Variants in THSD7A observed in about 807,000 individuals in gnomAD.
THSD7A encodes thrombospondin type 1 domain containing 7A.
Under a neutral mutation model 231.3 loss-of-function variants are expected in THSD7A, and 96 were observed. That is an observed-to-expected ratio of 0.41 (90% CI 0.35 to 0.49). The LOEUF is 0.49. Ranked by LOEUF, THSD7A falls within the 20% of genes least tolerant of loss-of-function variation. The pLI is 0.05. For synonymous variants in THSD7A, 940 were observed against 743.3 expected, an observed-to-expected ratio of 1.26 and a Z score of -4.30; for missense variants, 2,290 against 2,070.2, an observed-to-expected ratio of 1.11 and a Z score of -2.06.
At chr7:11,400,120 T>C (rs530321370) in intron 23 of THSD7A, among the ~76,000 whole-genome samples, 18 of 140,838 alleles carry the variant, frequency 1.3e-4, no homozygotes, top group African/African-American at 4.8e-4. Context: ...ATGAAAACAC[T>C]TGGACACAGG....
intron 1 of THSD7A, among the ~76,000 whole-genome samples, chr7:11,696,964 A>G (rs1780423421): frequency 6.6e-6 from 1 of 151,406 alleles, no homozygotes; most frequent in African/African-American, 2.4e-5. Context: ...AAGACTGGAA[A>G]TAGGAATTCT....
At chr7:11,388,171 T>G (rs149224129) in intron 23 of THSD7A, among the ~76,000 whole-genome samples, 81 of 151,850 alleles carry the variant, frequency 5.3e-4, no homozygotes, top group African/African-American at 1.7e-3. Context: ...TCTTTTTTTT[T>G]TTGTTGTGTC....
At position 11,407,435 on chromosome 7, in the gene THSD7A, G is replaced by T; in HGVS notation, c.3799-12C>A. ...TTCTCCAAGCCAAGCTGGAAGAACA[G>T]AGGTAGATCAGGATGTATATTGTAA... is the stretch of plus-strand genomic sequence containing the variant. On this transcript the variant is annotated splice_polypyrimidine_tract_variant and intron_variant, in intron 19 of 27. Transcript: ENST00000423059. 6.3e-7 allele frequency: 1 copy of T among 1,598,812 alleles called. No individual in the cohort carries two copies. Among genetic ancestry groups the T allele is most frequent in the Non-Finnish European group, 8.6e-7 (1 of 1,168,598 alleles).
At chr7:11,715,013 T>G (rs1374757177) in intron 1 of THSD7A, among the ~76,000 whole-genome samples, 1 of 151,418 alleles carries the variant, frequency 6.6e-6, no homozygotes, top group Non-Finnish European at 1.5e-5. Context: ...CATGGTTCTC[T>G]CCTTCTTTAT....
chr7:11,764,264 G>C, intron 1 of THSD7A, among the ~76,000 whole-genome samples: 1 of 152,126 alleles, frequency 6.6e-6, no homozygotes, highest in East Asian at 1.9e-4. Context: ...TTTACAAATA[G>C]TCTATAGTAT....
At chr7:11,476,506 T>C (rs1378180679) in intron 7 of THSD7A, among the ~76,000 whole-genome samples, 2 of 152,118 alleles carry the variant, frequency 1.3e-5, no homozygotes, top group African/African-American at 2.4e-5. Context: ...TAATAGATTA[T>C]ATAATGTTAC....
chr7:11,400,244 G>T (rs1385437579), intron 23 of THSD7A, among the ~76,000 whole-genome samples: 2 of 151,808 alleles, frequency 1.3e-5, no homozygotes, highest in African/African-American at 4.8e-5. Flanking sequence ...ACACCAACAT[G>T]GCACATGTAT....
chr7:11,443,444 T>G (rs981225650), intron 13 of THSD7A, among the ~76,000 whole-genome samples: 8 of 152,032 alleles, frequency 5.3e-5, no homozygotes, highest in African/African-American at 1.9e-4. Context: ...GAGATGTTTC[T>G]CAAAGTACAT....
chr7:11,461,048 A>G (rs1223615656), intron 10 of THSD7A, among the ~76,000 whole-genome samples: 1 of 152,178 alleles, frequency 6.6e-6, no homozygotes, highest in East Asian at 1.9e-4. Flanking sequence ...GACTGCCAAC[A>G]AATGCACCAG....
Position 11,469,794 on chromosome 7 carries a change from A to G in THSD7A, c.2368+85T>C, listed in dbSNP as rs1478198351. On this transcript the variant is annotated intron_variant, in intron 9 of 27. Transcript: ENST00000423059. Reference sequence around the variant, plus strand: ...GTTTACATAGCCCTGTGCAAAACTCACAAACATTGCTAGGCCAGAAGACCT... The same window carrying G: ...GTTTACATAGCCCTGTGCAAAACTCGCAAACATTGCTAGGCCAGAAGACCT... The G allele has an allele frequency of 7.7e-6, 7 of 910,180 alleles. No individual in the cohort carries two copies. In the East Asian group the frequency reaches 1.9e-4, roughly 24 times the overall value. 56.4% of individuals were successfully genotyped at this position (910,180 alleles called of 1,614,324 possible).
intron 23 of THSD7A, among the ~76,000 whole-genome samples, chr7:11,396,357 A>G (rs117361051): frequency 0.016 from 2,509 of 152,268 alleles, 26 homozygotes; most frequent in Non-Finnish European, 0.024. Flanking sequence ...TGTTTTTTTG[A>G]AAAGATCAAC....
chr7:11,678,674 G>C (rs967180816), intron 1 of THSD7A, among the ~76,000 whole-genome samples: 89 of 151,950 alleles, frequency 5.9e-4, no homozygotes, highest in African/African-American at 2.1e-3. Context: ...GAATAGACCA[G>C]TAACAAGTTC....
intron 4 of THSD7A, among the ~76,000 whole-genome samples, chr7:11,547,661 C>G (rs1466761349): frequency 6.6e-6 from 1 of 152,002 alleles, no homozygotes; most frequent in Non-Finnish European, 1.5e-5. Flanking sequence ...TATCAACCAC[C>G]CTCTCAGACC....
chr7:11,498,330 C>T (rs1787190840), intron 6 of THSD7A, among the ~76,000 whole-genome samples: 1 of 152,158 alleles, frequency 6.6e-6, no homozygotes, highest in South Asian at 2.1e-4. Flanking sequence ...GAAAGGGATC[C>T]ACCAGCACAG....
chr7:11,831,860 C>G lies in THSD7A; in HGVS notation c.87G>C (p.Pro29=), dbSNP rs1785206634. 1.5e-6 allele frequency: 2 copies of G among 1,303,620 alleles called. No individual in the cohort carries two copies. Among genetic ancestry groups the G allele is most frequent in the South Asian group, 2.5e-5 (1 of 39,338 alleles). The allele number at this position is 1,303,620 out of a possible 1,614,324, so 80.8% of individuals were successfully genotyped here. Reference sequence around the variant, plus strand: ...GCAGCAGGAGCAGCGGCAGCGGCAGCGGCAGCGGCAGCAGCTGCAGGACGC... The same window carrying G: ...GCAGCAGGAGCAGCGGCAGCGGCAGGGGCAGCGGCAGCAGCTGCAGGACGC... ...RRGVLQLLPL[P]LPLPLLLLLL... Residue 29 remains proline, a synonymous_variant, in exon 1 of 28, where the codon CCG becomes CCC. Coordinates refer to ENST00000423059, the MANE Select transcript of THSD7A (RefSeq NM_015204.3). This position sits in a 1 kb window ranked among gnomAD's most constrained non-coding sequence, Gnocchi z 5.0.
chr7:11,522,622 T>TATAAA (rs1160847), intron 6 of THSD7A, among the ~76,000 whole-genome samples: 37,248 of 151,802 alleles, frequency 0.25, 5,408 homozygotes, highest in African/African-American at 0.41. Flanking sequence ...TATCACTAAT[T>TATAAA]ATAAAAGGTA....
At chr7:11,670,195 G>A (rs28445906) in intron 1 of THSD7A, among the ~76,000 whole-genome samples, 8,829 of 152,224 alleles carry the variant, frequency 0.058, 845 homozygotes, top group African/African-American at 0.2. Context: ...TGGAGGGTAT[G>A]GAGAGTGGGA....
intron 1 of THSD7A, among the ~76,000 whole-genome samples, chr7:11,651,767 A>G (rs1209878411): frequency 6.6e-6 from 1 of 151,956 alleles, no homozygotes; most frequent in African/African-American, 2.4e-5. Flanking sequence ...AAACACTGAA[A>G]AAAGGAAATA....
intron 23 of THSD7A, among the ~76,000 whole-genome samples, chr7:11,389,179 T>G (rs1316554442): frequency 6.6e-6 from 1 of 152,092 alleles, no homozygotes; most frequent in Non-Finnish European, 1.5e-5. Flanking sequence ...TTTTCTGTCA[T>G]GTTGATCAGT....
Sources: gnomAD v4.1 joint callset for allele counts (sites outside exome capture counted in the v4.1 genomes callset) on GRCh38, gnomAD v4.1.1 for gene constraint, Gnocchi (gnomAD v3.1) non-coding constraint, MANE v1.5 for transcripts, NCBI Gene and HGNC (gene_info 2026-07-23, HGNC 2026-07-21) for gene names.